The following SLC38A6 variants were observed in gnomAD, a reference collection of about 807,000 sequenced individuals.
SLC38A6 encodes solute carrier family 38 member 6.
A neutral mutation model predicts 65.0 loss-of-function variants in SLC38A6; 73 were observed. The ratio of observed to expected loss-of-function variants is 1.12; its 90% confidence interval spans 0.93 to 1.37. The LOEUF (loss-of-function observed/expected upper bound fraction) is 1.37. SLC38A6 is among the 40% of genes most tolerant of loss of function. The pLI is 0.00. For missense variants in SLC38A6, 561 were observed against 531.1 expected, an observed-to-expected ratio of 1.06 and a Z score of -0.55; for synonymous variants, 183 against 178.8, an observed-to-expected ratio of 1.02 and a Z score of -0.19.
chr14:61,068,560 C>G (rs1427484835), intron 15 of SLC38A6, among the ~76,000 whole-genome samples: 1 of 152,180 alleles, frequency 6.6e-6, no homozygotes, highest in South Asian at 2.1e-4. Flanking sequence ...TTTTCAAAGA[C>G]CTTTGCAAGC....
At chr14:61,054,685 G>A (rs1239493897), downstream of SLC38A6, among the ~76,000 whole-genome samples, 1 of 152,200 alleles carries the variant, frequency 6.6e-6, no homozygotes, top group Non-Finnish European at 1.5e-5. Flanking sequence ...TATTGGTGGT[G>A]TATAGGAATG....
Position 60,981,365 on chromosome 14 carries a change from A to C in SLC38A6, c.88A>C (p.Ser30Arg), listed in dbSNP as rs564284044. 2.5e-6 allele frequency: 4 copies of C among 1,605,340 alleles called. No individual in the cohort carries two copies. Among genetic ancestry groups the C allele is most frequent in the African/African-American group, 2.7e-5 (2 of 74,980 alleles). The part of the protein sequence containing the change: ...QPEEAEAEEL[S>R]PLLSNELHRQ... ...TGAAGAAGCGGAGGCCGAAGAGTTGAGTCCGTTGCTAAGCAACGTAAGTGG... is the reference window on the plus strand; with the variant it reads ...TGAAGAAGCGGAGGCCGAAGAGTTGCGTCCGTTGCTAAGCAACGTAAGTGG... Residue 30 changes from serine to arginine, a missense_variant, in exon 1 of 16, where the codon AGT becomes CGT. By Grantham distance (110) the Ser-to-Arg change is moderately radical. Coordinates refer to ENST00000267488, the MANE Select transcript of SLC38A6 (RefSeq NM_153811.3).
At chr14:61,006,926 A>G (rs1179203373) in intron 3 of SLC38A6, among the ~76,000 whole-genome samples, 1 of 152,252 alleles carries the variant, frequency 6.6e-6, no homozygotes, top group Admixed American at 6.5e-5. Context: ...ACCAAGCCAA[A>G]TGTCCAACAA....
chr14:60,983,329 C>T (rs1396678988), intron 2 of SLC38A6, among the ~76,000 whole-genome samples: 1 of 151,972 alleles, frequency 6.6e-6, no homozygotes, highest in Non-Finnish European at 1.5e-5. Context: ...CATCTCTGCC[C>T]AAAATACAAA....
intron 10 of SLC38A6, among the ~76,000 whole-genome samples, chr14:61,044,421 A>G (rs1349830018): frequency 6.6e-6 from 1 of 152,226 alleles, no homozygotes; most frequent in East Asian, 1.9e-4. Context: ...CAAGCCAGGA[A>G]ACTGAGCAAT....
At chr14:61,016,961 A>T (rs1448235553) in intron 4 of SLC38A6, among the ~76,000 whole-genome samples, 1 of 152,212 alleles carries the variant, frequency 6.6e-6, no homozygotes, top group Non-Finnish European at 1.5e-5. Context: ...TAACTTCTGA[A>T]AGTGAGTCTG....
intron 3 of SLC38A6, among the ~76,000 whole-genome samples, chr14:60,993,462 G>A (rs1014723491): frequency 6.6e-6 from 1 of 152,150 alleles, no homozygotes; most frequent in East Asian, 1.9e-4. Flanking sequence ...ATAGATATTA[G>A]GTGTAGTTAA....
At chr14:61,049,120 G>C (rs1047939473) in intron 12 of SLC38A6, among the ~76,000 whole-genome samples, 20 of 152,192 alleles carry the variant, frequency 1.3e-4, no homozygotes, top group African/African-American at 4.6e-4. Flanking sequence ...TGTTATGCCT[G>C]TTTGGGGTCT....
In SLC38A6 at chr14:61,019,525, T is replaced by C. The variant is rs1410193235; in HGVS notation, c.364-16T>C. The C allele has an allele frequency of 6.2e-7, 1 of 1,612,638 alleles. No individual in the cohort carries two copies. Among genetic ancestry groups the C allele is most frequent in the East Asian group, 2.2e-5 (1 of 44,836 alleles). ...GTTTCCCCTTCTATCTTCTGAATATTTCTGTTCTTTTACAGTTGGTGGTGG... is the reference window on the plus strand; with the variant it reads ...GTTTCCCCTTCTATCTTCTGAATATCTCTGTTCTTTTACAGTTGGTGGTGG... On this transcript the variant is annotated splice_polypyrimidine_tract_variant and intron_variant, in intron 4 of 15. Coordinates refer to ENST00000267488, the MANE Select transcript of SLC38A6 (RefSeq NM_153811.3).
At chr14:60,983,170 A>T (rs1372058856) in intron 2 of SLC38A6, among the ~76,000 whole-genome samples, 2 of 152,180 alleles carry the variant, frequency 1.3e-5, no homozygotes, top group African/African-American at 4.8e-5. Flanking sequence ...AGTACTTTGT[A>T]TATTCATTCT....
chr14:61,037,825 T>C, intron 8 of SLC38A6, 142 bp downstream of exon 8: 2 of 548,806 alleles, frequency 3.6e-6, no homozygotes, highest in Non-Finnish European at 6.3e-6. Flanking sequence ...TTTTGTTCCA[T>C]TAAATTATTT....
At chr14:60,994,704 C>CAAA (rs113876678) in intron 3 of SLC38A6, among the ~76,000 whole-genome samples, 1 of 93,080 alleles carries the variant, frequency 1.1e-5, no homozygotes. Context: ...AACCTCGTCT[C>CAAA]AAAAAAAAAA....
intron 1 of SLC38A6, chr14:60,982,206 T>C (rs2037102661): frequency 2.1e-6 from 1 of 482,628 alleles, no homozygotes; most frequent in Non-Finnish European, 4.1e-6. Flanking sequence ...CTCTCCCCAC[T>C]CCATTCCCAT....
In SLC38A6 at chr14:60,987,066, T is replaced by G. The variant is rs781779729; in HGVS notation, c.310+2263T>G. On this transcript the variant is annotated intron_variant, in intron 3 of 15. Coordinates refer to ENST00000267488, the MANE Select transcript of SLC38A6 (RefSeq NM_153811.3). The stretch of plus-strand genomic sequence containing the variant: ...GATTTCTGTAGCCTACTTGGGCCCA[T>G]GAACTAACTACTTCATGGTTCTGCC... 6 of 422,528 alleles carry G rather than the reference T, an allele frequency of 1.4e-5. No homozygotes were observed. The East Asian group carries it at 5.1e-4, about 36-fold the overall frequency. The allele number at this position is 422,528 out of a possible 1,614,324, so 26.2% of individuals were successfully genotyped here.
At chr14:61,023,668 T>C (rs531027502) in intron 5 of SLC38A6, among the ~76,000 whole-genome samples, 59 of 151,554 alleles carry the variant, frequency 3.9e-4, no homozygotes, top group Non-Finnish European at 6.9e-4. Context: ...CATATCTTAA[T>C]GTTTCTTAAC....
intron 4 of SLC38A6, 46 bp from the exon 5 acceptor site, chr14:61,019,495 A>G (rs1246256904): frequency 2.5e-6 from 4 of 1,592,896 alleles, no homozygotes; most frequent in Non-Finnish European, 3.4e-6. Flanking sequence ...TGATCCTTTT[A>G]TATTGTTTCC....
intron 3 of SLC38A6, among the ~76,000 whole-genome samples, chr14:61,013,607 T>A (rs990618491): frequency 5.3e-5 from 8 of 152,214 alleles, no homozygotes; most frequent in Non-Finnish European, 8.8e-5. Context: ...CAGCATTTGC[T>A]TGTCTGTAAA....
At chr14:61,048,227 G>A in intron 12 of SLC38A6, 1 of 425,272 alleles carries the variant, frequency 2.4e-6, no homozygotes, top group Middle Eastern at 3.5e-4. Context: ...CTCAACTTAA[G>A]GCTTCCAATT....
Position 61,037,666 on chromosome 14 carries a change from A to G in SLC38A6, c.607A>G (p.Met203Val). 6.3e-7 allele frequency: 1 copy of G among 1,592,018 alleles called. No individual in the cohort carries two copies. Among genetic ancestry groups the G allele is most frequent in the South Asian group, 1.1e-5 (1 of 88,592 alleles). The change falls in exon 8 of 16, where the codon ATG (methionine) becomes GTG (valine). Residue 203 changes from methionine to valine, a missense_variant. Physicochemically the swap from Met to Val is conservative, Grantham distance 21 (BLOSUM62 1). Transcript: ENST00000267488. ...YTSSLSFFFM[M>V]FFALVVIIKK... ...AAGTAGTTTATCATTTTTCTTTATG[A>G]TGTTCTTTGCTCTTGTGGTAAGTTT...
Sources: gnomAD v4.1 joint callset for allele counts (sites outside exome capture counted in the v4.1 genomes callset) on GRCh38, gnomAD v4.1.1 for gene constraint, MANE v1.5 for transcripts, NCBI Gene and HGNC (gene_info 2026-07-23, HGNC 2026-07-21) for gene names.